The following PCCA variants were observed in gnomAD, a reference collection of about 807,000 sequenced individuals.
PCCA encodes propionyl-CoA carboxylase subunit alpha.
In PCCA, 74 loss-of-function variants were observed where a neutral mutation model predicts 101.3. The observed-to-expected ratio is 0.73, with a 90% CI of 0.61 to 0.89. PCCA has a LOEUF of 0.89. Among genes scored for constraint, PCCA ranks in the 40% least tolerant of loss-of-function variants. PCCA has a pLI of 0.00. For synonymous variants in PCCA, 294 were observed against 313.6 expected (o/e 0.94, Z 0.66); for missense variants, 891 against 907.0 (o/e 0.98, Z 0.23).
chr13:100,443,908 C>G (rs552257762), intron 20 of PCCA, among the ~76,000 whole-genome samples: 7 of 152,198 alleles, frequency 4.6e-5, no homozygotes, highest in Non-Finnish European at 8.8e-5. Context: ...GGTCTCCTAG[C>G]CTCGTCCTTC....
At chr13:100,521,839 T>C (rs2087323598) in intron 22 of PCCA, among the ~76,000 whole-genome samples, 1 of 152,204 alleles carries the variant, frequency 6.6e-6, no homozygotes, top group African/African-American at 2.4e-5. Context: ...ATCCGTGTTT[T>C]TCCGGTGGTC....
intron 6 of PCCA, among the ~76,000 whole-genome samples, chr13:100,178,220 A>G (rs76503723): frequency 1.3e-5 from 2 of 152,218 alleles, no homozygotes; most frequent in African/African-American, 4.8e-5. Flanking sequence ...TTTTATTTCA[A>G]CTTAAAACGT....
intron 4 of PCCA, among the ~76,000 whole-genome samples, chr13:100,113,822 A>C (rs190188224): frequency 1.9e-4 from 29 of 151,958 alleles, no homozygotes; most frequent in Admixed American, 1.9e-3. Flanking sequence ...CAGGTAATCC[A>C]CCTGCTTTGG....
At chr13:100,139,056 A>G in intron 4 of PCCA, among the ~76,000 whole-genome samples, 1 of 152,102 alleles carries the variant, frequency 6.6e-6, no homozygotes, top group Non-Finnish European at 1.5e-5. Flanking sequence ...CAGCACTTGA[A>G]AAACATTATG....
At chr13:100,468,139 CTGAG>C (rs2082685274) in intron 21 of PCCA, among the ~76,000 whole-genome samples, 1 of 152,130 alleles carries the variant, frequency 6.6e-6, no homozygotes, top group Non-Finnish European at 1.5e-5. Flanking sequence ...ATATTTTTTT[CTGAG>C]CAGTAGGTCT....
At chr13:100,276,648 AC>A (rs2063692595) in intron 12 of PCCA, among the ~76,000 whole-genome samples, 1 of 151,830 alleles carries the variant, frequency 6.6e-6, no homozygotes, top group Non-Finnish European at 1.5e-5. Flanking sequence ...TGTCTTTCTT[AC>A]CTTCCCTTAT....
chr13:100,122,295 T>C lies in PCCA; in HGVS notation c.300+10234T>C, dbSNP rs946971410. Among the ~76,000 whole-genome samples the C allele has an allele frequency of 5.3e-5, 8 of 152,324 alleles. No homozygotes were observed. The South Asian group carries it at 1.4e-3, about 28-fold the overall frequency. ...TTTGTGTTCATATTTACAAGAGATA[T>C]TGTCTGCAGTTTTCTTATGATGTCT... On this transcript the variant is annotated intron_variant, in intron 4 of 23. Transcript: ENST00000376285.
chr13:100,296,476 T>C (rs1595172836), intron 12 of PCCA, among the ~76,000 whole-genome samples: 1 of 151,908 alleles, frequency 6.6e-6, no homozygotes, highest in East Asian at 1.9e-4. Flanking sequence ...GCTCTCAAAC[T>C]CCTGGGCTCA....
chr13:100,392,567 C>T (rs992969703), intron 19 of PCCA, among the ~76,000 whole-genome samples: 2 of 152,106 alleles, frequency 1.3e-5, no homozygotes, highest in African/African-American at 2.4e-5. Context: ...TTTTCTCTGT[C>T]AGTAATGTAG....
At chr13:100,308,593 T>C (rs1345264390) in intron 15 of PCCA, among the ~76,000 whole-genome samples, 1 of 152,188 alleles carries the variant, frequency 6.6e-6, no homozygotes, top group Non-Finnish European at 1.5e-5. Flanking sequence ...CTCAAAGTGC[T>C]GGGATTACAA....
intron 21 of PCCA, among the ~76,000 whole-genome samples, chr13:100,497,966 C>T (rs1485781967): frequency 6.6e-6 from 1 of 151,956 alleles, no homozygotes; most frequent in African/African-American, 2.4e-5. Flanking sequence ...AACTACCGGG[C>T]TCAGTTGATC....
chr13:100,322,570 A>T (rs1042775014), intron 16 of PCCA, among the ~76,000 whole-genome samples: 1 of 145,326 alleles, frequency 6.9e-6, no homozygotes, highest in Non-Finnish European at 1.5e-5. Flanking sequence ...CTTTTTTTTA[A>T]TTTTTTTTTT....
In PCCA at chr13:100,530,129, C is replaced by G; in HGVS notation, c.2150C>G (p.Thr717Arg). The G allele has an allele frequency of 6.2e-7, 1 of 1,614,062 alleles. No individual in the cohort carries two copies. Among genetic ancestry groups the G allele is most frequent in the Non-Finnish European group, 8.5e-7 (1 of 1,179,914 alleles). The change falls in exon 24 of 24, where the codon ACA becomes AGA. Residue 717 changes from threonine (T) to arginine (R), a missense_variant. By Grantham distance (71) the Thr-to-Arg change is moderately conservative. Coordinates refer to ENST00000376285, the MANE Select transcript of PCCA (RefSeq NM_000282.4). ...VKSVHCQAGD[T>R]VGEGDLLVEL... ...TCTGTGCACTGTCAAGCTGGAGACA[C>G]AGTTGGAGAAGGGGATCTGCTCGTG...
chr13:100,464,657 A>G (rs2082383808), intron 21 of PCCA: 1 of 152,184 alleles, frequency 6.6e-6, no homozygotes, highest in African/African-American at 2.4e-5. Context: ...ACCCCTTAAC[A>G]TAGTTAATGT....
chr13:100,387,109 A>G (rs369038445), intron 19 of PCCA, among the ~76,000 whole-genome samples: 1 of 152,210 alleles, frequency 6.6e-6, no homozygotes, highest in Non-Finnish European at 1.5e-5. Flanking sequence ...GTGTAAGTAC[A>G]CAAAACGCAA....
At chr13:100,517,230 C>G (rs1009345532) in intron 22 of PCCA, among the ~76,000 whole-genome samples, 2 of 152,216 alleles carry the variant, frequency 1.3e-5, no homozygotes, top group African/African-American at 2.4e-5. Flanking sequence ...CCTGGCCCCT[C>G]ACACGGCCCT....
At chr13:100,237,423 T>C (rs541890878) in intron 8 of PCCA, 3 of 152,282 alleles carry the variant, frequency 2.0e-5, no homozygotes, top group East Asian at 3.9e-4. Context: ...TTCAGAATCA[T>C]TAACATTTCA....
intron 4 of PCCA, among the ~76,000 whole-genome samples, chr13:100,153,319 TG>T (rs1168109247): frequency 1.3e-5 from 2 of 152,162 alleles, no homozygotes; most frequent in Non-Finnish European, 2.9e-5. Flanking sequence ...TGAGATTATA[TG>T]CTAAAATCTG....
At chr13:100,521,945 A>G (rs1000046318) in intron 22 of PCCA, among the ~76,000 whole-genome samples, 1 of 152,206 alleles carries the variant, frequency 6.6e-6, no homozygotes, top group African/African-American at 2.4e-5. Flanking sequence ...ACAACAAAAG[A>G]AGCCTCCTTT....
Sources: gnomAD v4.1 joint callset for allele counts (sites outside exome capture counted in the v4.1 genomes callset) on GRCh38, gnomAD v4.1.1 for gene constraint, MANE v1.5 for transcripts, NCBI Gene and HGNC (gene_info 2026-07-23, HGNC 2026-07-21) for gene names.